GRAMD1A: variants seen among roughly 807,000 people sequenced by gnomAD.
GRAMD1A encodes protein Aster-A.
In GRAMD1A, 50 loss-of-function variants were observed where a neutral mutation model predicts 92.0. That is an observed-to-expected ratio of 0.54 (90% CI 0.43 to 0.69). The LOEUF is 0.69. Ranked by LOEUF, GRAMD1A falls within the 30% of genes least tolerant of loss-of-function variation. The pLI is 0.00. For missense variants in GRAMD1A, 819 were observed against 978.9 expected, an observed-to-expected ratio of 0.84 and a Z score of 2.18; for synonymous variants, 405 against 403.6, an observed-to-expected ratio of 1.00 and a Z score of -0.04.
chr19:35,014,487 G>A, intron 10 of GRAMD1A, 100 bp downstream of exon 10: 1 of 1,027,798 alleles, frequency 9.7e-7, no homozygotes, highest in Non-Finnish European at 1.5e-6. Context: ...TGAGAATCCA[G>A]GGGCAGGCGG....
At chr19:35,011,438 C>T in intron 6 of GRAMD1A, 36 bp from the exon 7 acceptor site, 1 of 1,535,870 alleles carries the variant, frequency 6.5e-7, no homozygotes, top group Non-Finnish European at 9.0e-7. Flanking sequence ...CGCTCCCCAA[C>T]CTGCTCACAC....
In GRAMD1A at chr19:35,013,202, G is replaced by C; in HGVS notation, c.607-54G>C. On this transcript the variant is annotated intron_variant, in intron 7 of 19. Coordinates refer to ENST00000317991, the MANE Select transcript of GRAMD1A (RefSeq NM_020895.5). This position sits in a 1 kb window ranked among gnomAD's most constrained non-coding sequence, Gnocchi z 4.9. ...CGAGGGCTGGTGGGGAATCTGGCGG[G>C]CCGGGCTCTGGCTGGGGTGAGATGG... The C allele has an allele frequency of 1.1e-6, 1 of 948,008 alleles. No individual in the cohort carries two copies. Among genetic ancestry groups the C allele is most frequent in the Non-Finnish European group, 1.6e-6 (1 of 617,344 alleles). The allele number at this position is 948,008 out of a possible 1,614,324, so 58.7% of individuals were successfully genotyped here. A position where few individuals can be genotyped will look rare whatever the true frequency, so the allele number is the denominator to read the frequency against.
rs1178338398 is a variant in GRAMD1A, at chr19:35,000,887, C to A, written c.8+401C>A. On this transcript the variant is annotated intron_variant, in intron 1 of 19. Transcript: ENST00000317991. The surrounding 1 kb of genome is among the most constrained non-coding windows in gnomAD (Gnocchi z 4.9). ...GGATGGAGACAGGATCGGGACCAGC[C>A]CAGGCCCACAGGCCGCGGAGCCCTG... is the stretch of plus-strand genomic sequence containing the variant. Among the ~76,000 whole-genome samples the A allele has an allele frequency of 1.3e-5, 2 of 152,108 alleles. No individual in the cohort carries two copies. The highest frequency in any genetic ancestry group is 2.9e-5 in the Non-Finnish European group (2 of 67,960).
At position 35,013,519 on chromosome 19, in the gene GRAMD1A, C is replaced by T. The variant is rs770626095; in HGVS notation, c.720-22C>T. On this transcript the variant is annotated intron_variant, in intron 8 of 19. Coordinates refer to ENST00000317991, the MANE Select transcript of GRAMD1A (RefSeq NM_020895.5). This position sits in a 1 kb window ranked among gnomAD's most constrained non-coding sequence, Gnocchi z 4.9. The stretch of plus-strand genomic sequence containing the variant: ...TGGGGTCTCAAGGACACAGCAGTCC[C>T]GCTTCCTCCCCTTTCCCACAGGACC... The T allele has an allele frequency of 1.5e-5, 24 of 1,589,954 alleles. No homozygotes were observed. The highest frequency in any genetic ancestry group is 1.5e-4 in the African/African-American group (11 of 74,572).
rs771604303 is a variant in GRAMD1A, at chr19:35,013,507, A to G, written c.720-34A>G. 2.5e-6 allele frequency: 4 copies of G among 1,583,334 alleles called. No individual in the cohort carries two copies. The highest frequency in any genetic ancestry group is 3.4e-6 in the Non-Finnish European group (4 of 1,161,430). On this transcript the variant is annotated intron_variant, in intron 8 of 19. Transcript: ENST00000317991. The surrounding 1 kb of genome is among the most constrained non-coding windows in gnomAD (Gnocchi z 4.9). ...CAGGAGGGTGTATGGGGTCTCAAGG[A>G]CACAGCAGTCCCGCTTCCTCCCCTT...
intron 19 of GRAMD1A, among the ~76,000 whole-genome samples, chr19:35,024,114 G>A (rs1025368765): frequency 2.0e-5 from 3 of 152,244 alleles, no homozygotes; most frequent in African/African-American, 7.2e-5. Context: ...GTAGTTCAGG[G>A]ACAATGTCTA....
At chr19:35,018,319 G>A (rs925185389) in intron 11 of GRAMD1A, among the ~76,000 whole-genome samples, 1 of 152,148 alleles carries the variant, frequency 6.6e-6, no homozygotes, top group Admixed American at 6.5e-5. Context: ...TTTTGATCAT[G>A]CTGAAAGGCA....
Position 35,022,881 on chromosome 19 carries a change from C to T in GRAMD1A, c.1842-19C>T, listed in dbSNP as rs1472093799. The T allele has an allele frequency of 3.7e-6, 6 of 1,603,830 alleles. No homozygotes were observed. Among genetic ancestry groups the T allele is most frequent in the Non-Finnish European group, 5.1e-6 (6 of 1,175,476 alleles). On this transcript the variant is annotated intron_variant, in intron 16 of 19. Transcript: ENST00000317991. ...GGCGGCGCTCATCTCTCTGTCTCCCCTCACTGCTGCTGCTGCAGGATCTGT... is the reference window on the plus strand; with the variant it reads ...GGCGGCGCTCATCTCTCTGTCTCCCTTCACTGCTGCTGCTGCAGGATCTGT...
Position 35,026,241 on chromosome 19 carries a change from C to T in GRAMD1A, c.*100C>T, listed in dbSNP as rs968445950. On this transcript the variant is annotated 3_prime_UTR_variant, in exon 20 of 20. Coordinates refer to ENST00000317991, the MANE Select transcript of GRAMD1A (RefSeq NM_020895.5). ...GTGTGAGCGCCAGGCATCTCCCACC[C>T]GCCCCTCCCGACGGCCCAACCAGGG... 1.5e-5 allele frequency: 10 copies of T among 688,892 alleles called. No homozygotes were observed. The highest frequency in any genetic ancestry group is 1.4e-4 in the African/African-American group (8 of 57,252). 42.7% of individuals were successfully genotyped at this position (688,892 alleles called of 1,614,324 possible).
At chr19:35,003,003 G>A (rs1446215955) in intron 1 of GRAMD1A, among the ~76,000 whole-genome samples, 1 of 152,016 alleles carries the variant, frequency 6.6e-6, no homozygotes, top group African/African-American at 2.4e-5. Context: ...ACATGCATGT[G>A]TCTGGATAAC....
chr19:34,996,572 C>T (rs765496292), upstream of GRAMD1A, among the ~76,000 whole-genome samples: 9 of 152,242 alleles, frequency 5.9e-5, no homozygotes, highest in Admixed American at 1.3e-4. Flanking sequence ...TTTGGGAGGC[C>T]GAAGCTGGTG....
rs576678854 is a variant in GRAMD1A, at chr19:35,026,224, G to A, written c.*83G>A. On this transcript the variant is annotated 3_prime_UTR_variant, in exon 20 of 20. Coordinates refer to ENST00000317991, the MANE Select transcript of GRAMD1A (RefSeq NM_020895.5). ...CGGCCACTGCTGGCACGGTGTGAGC[G>A]CCAGGCATCTCCCACCCGCCCCTCC... is the stretch of plus-strand genomic sequence containing the variant. The A allele has an allele frequency of 6.1e-5, 46 of 756,442 alleles. No homozygotes were observed. The highest frequency in any genetic ancestry group is 8.2e-5 in the Non-Finnish European group (35 of 429,446). 46.9% of individuals were successfully genotyped at this position (756,442 alleles called of 1,614,324 possible).
intron 7 of GRAMD1A, 86 bp downstream of exon 7, chr19:35,011,640 G>A: frequency 2.1e-6 from 2 of 935,230 alleles, no homozygotes; most frequent in Non-Finnish European, 3.4e-6. Context: ...GGAGCTGGAG[G>A]CAGCCCTGGC....
chr19:35,006,461 T>G (rs1961922561), intron 1 of GRAMD1A, among the ~76,000 whole-genome samples: 1 of 152,214 alleles, frequency 6.6e-6, no homozygotes, highest in African/African-American at 2.4e-5. Flanking sequence ...ATACGGTTAA[T>G]CATACGGAGA....
upstream of GRAMD1A, among the ~76,000 whole-genome samples, chr19:34,996,783 G>A (rs531595821): frequency 2.7e-5 from 4 of 146,752 alleles, no homozygotes; most frequent in South Asian, 2.2e-4. Context: ...CAGCCTGGGC[G>A]TCAGAGCAAG....
chr19:35,019,868 C>A (rs1188489533), intron 13 of GRAMD1A, among the ~76,000 whole-genome samples: 1 of 152,028 alleles, frequency 6.6e-6, no homozygotes, highest in Admixed American at 6.5e-5. Flanking sequence ...GGCAGTTAGG[C>A]CTATGGAGAA....
chr19:35,001,583 G>A (rs891299965), intron 1 of GRAMD1A, among the ~76,000 whole-genome samples: 1 of 151,904 alleles, frequency 6.6e-6, no homozygotes, highest in African/African-American at 2.4e-5. Context: ...GCATATGCCT[G>A]TAATTTAGCT....
upstream of GRAMD1A, among the ~76,000 whole-genome samples, chr19:34,997,305 C>T (rs1279680563): frequency 6.9e-6 from 1 of 145,158 alleles, no homozygotes; most frequent in Non-Finnish European, 1.5e-5. Flanking sequence ...CTTACAACTT[C>T]TGTGGCATTA....
chr19:35,017,172 T>G (rs111639718), intron 11 of GRAMD1A, among the ~76,000 whole-genome samples: 16,650 of 149,132 alleles, frequency 0.11, 1,771 homozygotes, highest in African/African-American at 0.28. Context: ...GAGACTCCAT[T>G]AAAAAAAAAA....
Sources: allele counts gnomAD v4.1 joint callset (sites outside exome capture counted in the v4.1 genomes callset), GRCh38; gene constraint gnomAD v4.1.1; non-coding constraint Gnocchi (gnomAD v3.1); transcripts MANE v1.5; gene names NCBI Gene and HGNC (gene_info 2026-07-23, HGNC 2026-07-21).